RPS6KC1: variants seen among roughly 807,000 people sequenced by gnomAD.
RPS6KC1 encodes inactive ribosomal protein S6 kinase delta-1.
Under a neutral mutation model 103.8 loss-of-function variants are expected in RPS6KC1, and 54 were observed. The ratio of observed to expected loss-of-function variants is 0.52; its 90% CI spans 0.42 to 0.65. The LOEUF is 0.65. Ranked by LOEUF, RPS6KC1 falls within the 30% of genes least tolerant of loss-of-function variation. The pLI is 0.00. For missense variants in RPS6KC1, 1,151 were observed against 1,253.8 expected, an observed-to-expected ratio of 0.92 and a Z score of 1.24; for synonymous variants, 439 against 438.7, an observed-to-expected ratio of 1.00 and a Z score of -0.01.
chr1:213,169,075 T>A (rs1001546461), intron 7 of RPS6KC1, among the ~76,000 whole-genome samples: 2 of 152,118 alleles, frequency 1.3e-5, no homozygotes, highest in East Asian at 1.9e-4. Context: ...AAAAAAAAAA[T>A]TTCTGTGGAT....
chr1:213,568,875 T>C, the RPS6KC1 span, among the ~76,000 whole-genome samples: 1 of 152,186 alleles, frequency 6.6e-6, no homozygotes, highest in Non-Finnish European at 1.5e-5. Context: ...GGAGAAAAGA[T>C]GAGAGAGAGG....
the RPS6KC1 span, among the ~76,000 whole-genome samples, chr1:213,844,924 G>T: frequency 6.6e-6 from 1 of 152,110 alleles, no homozygotes; most frequent in Non-Finnish European, 1.5e-5. Flanking sequence ...ACCTCAGCAT[G>T]TTAAAGCCTT....
chr1:213,694,446 C>T, the RPS6KC1 span, among the ~76,000 whole-genome samples: 1 of 152,200 alleles, frequency 6.6e-6, no homozygotes, highest in Non-Finnish European at 1.5e-5. Flanking sequence ...CCAGCCTTTT[C>T]TCCTAAAACT....
the RPS6KC1 span, among the ~76,000 whole-genome samples, chr1:213,759,422 T>C: frequency 3.6e-4 from 55 of 152,350 alleles, no homozygotes; most frequent in African/African-American, 1.2e-3. Flanking sequence ...CTGCAATTTC[T>C]TCAACATATG....
At chr1:213,152,509 C>A (rs1196255552) in intron 6 of RPS6KC1, among the ~76,000 whole-genome samples, 1 of 149,804 alleles carries the variant, frequency 6.7e-6, no homozygotes, top group Non-Finnish European at 1.5e-5. Flanking sequence ...CGGAGGGGCT[C>A]CTCACTTCTC....
the RPS6KC1 span, among the ~76,000 whole-genome samples, chr1:213,834,793 A>G: frequency 6.6e-6 from 1 of 152,130 alleles, no homozygotes; most frequent in Non-Finnish European, 1.5e-5. Context: ...CTTTCTGAAG[A>G]TAAGGACTGT....
chr1:213,418,095 G>A, the RPS6KC1 span, among the ~76,000 whole-genome samples: 1 of 152,264 alleles, frequency 6.6e-6, no homozygotes, highest in South Asian at 2.1e-4. Context: ...CTTGGAGCAC[G>A]AGGGTGATGC....
chr1:213,157,194 A>G (rs1249300260), intron 6 of RPS6KC1, among the ~76,000 whole-genome samples: 1 of 151,340 alleles, frequency 6.6e-6, no homozygotes. Flanking sequence ...TTTCAAATAT[A>G]TGTGAATTTT....
the RPS6KC1 span, among the ~76,000 whole-genome samples, chr1:213,499,757 G>A: frequency 5.3e-5 from 8 of 152,036 alleles, no homozygotes; most frequent in African/African-American, 1.9e-4. Flanking sequence ...ATGTGCTATA[G>A]CCTATTGCTC....
At chr1:213,763,734 G>T in the RPS6KC1 span, among the ~76,000 whole-genome samples, 1 of 152,206 alleles carries the variant, frequency 6.6e-6, no homozygotes, top group South Asian at 2.1e-4. Context: ...CTGCCACAAT[G>T]ATTTTCTTCC....
At chr1:213,636,216 G>A in the RPS6KC1 span, among the ~76,000 whole-genome samples, 313 of 152,258 alleles carry the variant, frequency 2.1e-3, 1 homozygote, top group Middle Eastern at 0.014. Flanking sequence ...TAGATTCAGT[G>A]CCATCCCTAT....
chr1:213,855,315 TC>T, the RPS6KC1 span, among the ~76,000 whole-genome samples: 1 of 150,754 alleles, frequency 6.6e-6, no homozygotes, highest in African/African-American at 2.5e-5. Context: ...TCAAGTCGTA[TC>T]ATCCGTCACT....
At chr1:213,777,971 C>T in the RPS6KC1 span, among the ~76,000 whole-genome samples, 1 of 152,134 alleles carries the variant, frequency 6.6e-6, no homozygotes, top group Non-Finnish European at 1.5e-5. Flanking sequence ...TATTCCACAG[C>T]TGAGGAAGGT....
the RPS6KC1 span, among the ~76,000 whole-genome samples, chr1:213,725,749 T>C: frequency 1.5e-3 from 235 of 152,332 alleles, no homozygotes; most frequent in African/African-American, 5.4e-3. Context: ...TTTCACATGA[T>C]TTTAATCATT....
chr1:213,568,111 G>C, the RPS6KC1 span, among the ~76,000 whole-genome samples: 1 of 152,164 alleles, frequency 6.6e-6, no homozygotes, highest in African/African-American at 2.4e-5. Context: ...GCTGAGTTTT[G>C]ACTAAGTTTT....
chr1:213,125,433 T>G (rs974245283), intron 5 of RPS6KC1, among the ~76,000 whole-genome samples: 1 of 152,114 alleles, frequency 6.6e-6, no homozygotes, highest in African/African-American at 2.4e-5. Context: ...AGATGGACAT[T>G]CTTGTATGTA....
the RPS6KC1 span, among the ~76,000 whole-genome samples, chr1:213,825,594 G>GC: frequency 0.017 from 2,640 of 152,194 alleles, 74 homozygotes; most frequent in African/African-American, 0.061. Context: ...ACTCATCTAT[G>GC]CCCCAGACTG....
At chr1:213,545,689 C>G in the RPS6KC1 span, among the ~76,000 whole-genome samples, 10 of 152,182 alleles carry the variant, frequency 6.6e-5, no homozygotes, top group East Asian at 1.4e-3. Context: ...AGGACTTCAA[C>G]ACACTGGGGG....
chr1:213,239,728 A>G (rs1243778650), intron 10 of RPS6KC1, among the ~76,000 whole-genome samples: 2 of 152,260 alleles, frequency 1.3e-5, no homozygotes, highest in East Asian at 1.9e-4. Flanking sequence ...TGCAACTACA[A>G]TTCTGTCTCC....
Sources: gnomAD v4.1 joint callset for allele counts (sites outside exome capture counted in the v4.1 genomes callset) on GRCh38, gnomAD v4.1.1 for gene constraint, MANE v1.5 for transcripts, NCBI Gene and HGNC (gene_info 2026-07-23, HGNC 2026-07-21) for gene names.